Variants in FMN1 observed in about 807,000 individuals in gnomAD.
FMN1 encodes formin 1, also known as formin-1.
Under a neutral mutation model 132.4 loss-of-function variants are expected in FMN1, and 110 were observed. That is an observed-to-expected ratio of 0.83 (90% CI 0.71 to 0.97). FMN1 has a LOEUF of 0.97. FMN1 is among the 50% of genes least tolerant of loss of function. FMN1 has a pLI of 0.00. For missense variants in FMN1, 1,792 were observed against 1,705.3 expected, an observed-to-expected ratio of 1.05 and a Z score of -0.90; for synonymous variants, 722 against 651.7, an observed-to-expected ratio of 1.11 and a Z score of -1.64.
At chr15:33,149,897 A>G (rs1964376028) in intron 4 of FMN1, 2 of 984,474 alleles carry the variant, frequency 2.0e-6, no homozygotes, top group Non-Finnish European at 2.4e-6. Flanking sequence ...TGACAGTAGT[A>G]TTAGGGGTTT....
intron 12 of FMN1, among the ~76,000 whole-genome samples, chr15:32,904,796 T>G (rs531611049): frequency 2.6e-4 from 40 of 152,320 alleles, no homozygotes; most frequent in Non-Finnish European, 3.5e-4. Flanking sequence ...CTTATTTATC[T>G]GCTAAGCTAC....
At chr15:32,918,001 C>A (rs2060726209) in intron 10 of FMN1, among the ~76,000 whole-genome samples, 1 of 152,004 alleles carries the variant, frequency 6.6e-6, no homozygotes, top group South Asian at 2.1e-4. Flanking sequence ...TACGCTATTG[C>A]AACATATGCA....
chr15:32,962,547 G>C (rs1003722884), intron 9 of FMN1, among the ~76,000 whole-genome samples: 3 of 150,960 alleles, frequency 2.0e-5, no homozygotes, highest in Non-Finnish European at 4.4e-5. Flanking sequence ...CCATTAGAGT[G>C]AACAGGCAAC....
At chr15:33,185,001 T>A (rs569087853) in intron 2 of FMN1, among the ~76,000 whole-genome samples, 1 of 152,304 alleles carries the variant, frequency 6.6e-6, no homozygotes, top group South Asian at 2.1e-4. Context: ...TGAAGAGAGA[T>A]TATGAAAAGC....
At chr15:32,897,264 TG>T (rs1484465598) in intron 15 of FMN1, among the ~76,000 whole-genome samples, 1 of 152,212 alleles carries the variant, frequency 6.6e-6, no homozygotes, top group African/African-American at 2.4e-5. Flanking sequence ...TTTTTAAAAT[TG>T]GGTTTTTCTT....
At chr15:32,798,497 C>T (rs986798428) in intron 19 of FMN1, among the ~76,000 whole-genome samples, 1 of 152,174 alleles carries the variant, frequency 6.6e-6, no homozygotes, top group African/African-American at 2.4e-5. Flanking sequence ...TAGCCTGGGC[C>T]AACATGAAAA....
chr15:32,827,926 T>C (rs1478993405), intron 17 of FMN1, among the ~76,000 whole-genome samples: 1 of 151,418 alleles, frequency 6.6e-6, no homozygotes, highest in Non-Finnish European at 1.5e-5. Flanking sequence ...CTTAAGAACA[T>C]GAAGTGAAAG....
intron 5 of FMN1, among the ~76,000 whole-genome samples, chr15:33,082,207 G>C (rs935485091): frequency 6.6e-6 from 1 of 151,234 alleles, no homozygotes; most frequent in African/African-American, 2.4e-5. Context: ...CGAGCATCTG[G>C]GATTACAGGC....
intron 17 of FMN1, among the ~76,000 whole-genome samples, chr15:32,814,953 T>C (rs2058006769): frequency 6.6e-6 from 1 of 152,032 alleles, no homozygotes; most frequent in South Asian, 2.1e-4. Context: ...ATTATTATTA[T>C]TATTTTTGAG....
At chr15:32,815,237 C>T (rs1034740526) in intron 17 of FMN1, among the ~76,000 whole-genome samples, 4 of 152,182 alleles carry the variant, frequency 2.6e-5, no homozygotes, top group East Asian at 1.9e-4. Context: ...CCATCGCGCC[C>T]GGCCTGCATG....
At chr15:32,865,746 G>A (rs1160200071) in intron 16 of FMN1, among the ~76,000 whole-genome samples, 1 of 151,486 alleles carries the variant, frequency 6.6e-6, no homozygotes, top group Non-Finnish European at 1.5e-5. Flanking sequence ...TGAGGCAGGA[G>A]AATCACCTGA....
chr15:32,922,548 G>A (rs1393254369), intron 10 of FMN1, among the ~76,000 whole-genome samples: 2 of 151,964 alleles, frequency 1.3e-5, no homozygotes, highest in Admixed American at 1.3e-4. Flanking sequence ...GTGTTAAGGA[G>A]AGCACAGAGA....
In FMN1 at chr15:32,777,471, ATTT is replaced by A. The variant is rs755608240; in HGVS notation, c.4131-555_4131-553del. ...TATATTATATTTATATATTACGTAT[ATTT>A]ATATATTATATTTATATATTACGTA... On this transcript the variant is annotated intron_variant, in intron 19 of 20. Coordinates refer to ENST00000616417, the MANE Select transcript of FMN1 (RefSeq NM_001277313.2). 5.7e-4 allele frequency among the ~76,000 whole-genome samples: 78 copies of A among 136,420 alleles called. 9 individuals carry two copies. Among genetic ancestry groups the A allele is most frequent in the East Asian group, 1.2e-3 (6 of 4,948 alleles). The allele number at this position is 136,420 out of a possible 152,430, so 89.5% of individuals were successfully genotyped here. A position where few individuals can be genotyped will look rare whatever the true frequency, so the allele number is the denominator to read the frequency against.
intron 5 of FMN1, among the ~76,000 whole-genome samples, chr15:33,070,767 A>C (rs1267383394): frequency 6.6e-6 from 1 of 152,206 alleles, no homozygotes; most frequent in Non-Finnish European, 1.5e-5. Flanking sequence ...AACATCATCT[A>C]AGATTTGAGG....
chr15:32,972,078 C>T (rs993751719), intron 7 of FMN1, among the ~76,000 whole-genome samples: 1 of 152,082 alleles, frequency 6.6e-6, no homozygotes, highest in East Asian at 1.9e-4. Flanking sequence ...CCTGACAGAG[C>T]GGATATGCCA....
At chr15:33,064,818 G>A (rs768795357) in intron 6 of FMN1, 139 bp downstream of exon 6, 23 of 575,644 alleles carry the variant, frequency 4.0e-5, no homozygotes, top group Admixed American at 1.4e-4. Context: ...CACTTTAACA[G>A]CAAAACCAAA....
intron 17 of FMN1, among the ~76,000 whole-genome samples, chr15:32,829,051 T>G (rs756328250): frequency 2.6e-5 from 4 of 152,210 alleles, no homozygotes; most frequent in African/African-American, 4.8e-5. Flanking sequence ...ATTTGTTTAC[T>G]TGGAGCAAGA....
At chr15:32,831,671 G>C (rs1050583016) in intron 17 of FMN1, among the ~76,000 whole-genome samples, 1 of 151,824 alleles carries the variant, frequency 6.6e-6, no homozygotes, top group Non-Finnish European at 1.5e-5. Context: ...AAGTAGACTA[G>C]AGACTATGAA....
At chr15:32,972,881 C>T (rs935781229) in intron 7 of FMN1, among the ~76,000 whole-genome samples, 1 of 152,160 alleles carries the variant, frequency 6.6e-6, no homozygotes, top group Admixed American at 6.5e-5. Flanking sequence ...GTTGCCGAAC[C>T]CCAATGTGTT....
Sources: gnomAD v4.1 joint callset for allele counts (sites outside exome capture counted in the v4.1 genomes callset) on GRCh38, gnomAD v4.1.1 for gene constraint, MANE v1.5 for transcripts, NCBI Gene and HGNC (gene_info 2026-07-23, HGNC 2026-07-21) for gene names.